The following RHBDF1 variants were observed in gnomAD, a reference collection of about 807,000 sequenced individuals.
RHBDF1 encodes inactive rhomboid protein 1.
Under a neutral mutation model 98.6 loss-of-function variants are expected in RHBDF1, and 80 were observed. The ratio of observed to expected loss-of-function variants is 0.81; its 90% CI spans 0.68 to 0.98. RHBDF1 has a LOEUF of 0.98. RHBDF1 is among the 50% of genes least tolerant of loss of function. RHBDF1 has a pLI of 0.00. For missense variants in RHBDF1, 1,116 were observed against 1,198.3 expected, an observed-to-expected ratio of 0.93 and a Z score of 1.01; for synonymous variants, 512 against 486.8, an observed-to-expected ratio of 1.05 and a Z score of -0.68.
intron 11 of RHBDF1, chr16:60,830 A>T (rs529195634): frequency 2.8e-5 from 16 of 566,488 alleles, no homozygotes; most frequent in Non-Finnish European, 3.4e-5. Context: ...GAATTTTTTT[A>T]AAAATTGCTT....
At chr16:64,070 G>T in intron 3 of RHBDF1, 1 of 642,038 alleles carries the variant, frequency 1.6e-6, no homozygotes, top group Non-Finnish European at 2.8e-6. Flanking sequence ...CTGAGGGGCA[G>T]TTGAGGGGAG....
At chr16:64,215 T>C in intron 3 of RHBDF1, 2 of 1,309,210 alleles carry the variant, frequency 1.5e-6, no homozygotes, top group East Asian at 5.0e-5. Flanking sequence ...ACAAAAACAC[T>C]GCCAGCACCT....
chr16:64,388 G>A (rs750381420), intron 3 of RHBDF1: 315 of 1,377,374 alleles, frequency 2.3e-4, no homozygotes, highest in Non-Finnish European at 2.6e-4. Flanking sequence ...CGGGCAGCCC[G>A]GGGACCCAAG....
intron 16 of RHBDF1, 53 bp downstream of exon 16, chr16:59,196 C>T (rs1458156915): frequency 3.1e-6 from 5 of 1,594,104 alleles, no homozygotes; most frequent in Non-Finnish European, 4.3e-6. Context: ...CACCCCCAGC[C>T]AGCCAATCCT....
At position 61,935 on chromosome 16, in the gene RHBDF1, C is replaced by T. The variant is rs1205079256; in HGVS notation, c.1071G>A (p.Ala357=). 1.9e-6 allele frequency: 3 copies of T among 1,599,260 alleles called. No individual in the cohort carries two copies. Among genetic ancestry groups the T allele is most frequent in the African/African-American group, 1.3e-5 (1 of 74,828 alleles). Residue 357 remains alanine, a synonymous_variant, in exon 8 of 18, where the codon GCG becomes GCA. Transcript: ENST00000262316. ...GGGCGAAGAGCTTGCGCACCGGCAC[C>T]GCGATACGCTGGCCCCGTCGCGGCC... ...TAGPRRGQRI[A]VPVRKLFARE...
chr16:69,284 A>T (rs888074051), intron 1 of RHBDF1, among the ~76,000 whole-genome samples: 5 of 152,136 alleles, frequency 3.3e-5, no homozygotes, highest in African/African-American at 4.8e-5. Context: ...CTCTGTACTC[A>T]GGCCTGCCCT....
intron 4 of RHBDF1, 85 bp downstream of exon 4, chr16:63,501 CT>C: frequency 8.3e-7 from 1 of 1,209,592 alleles, no homozygotes; most frequent in Non-Finnish European, 1.1e-6. Flanking sequence ...CAGAGAGTCC[CT>C]TCTGCTCAGG....
At chr16:60,393 G>T (rs773389682) in intron 12 of RHBDF1, 46 bp downstream of exon 12, 1 of 1,600,266 alleles carries the variant, frequency 6.2e-7, no homozygotes, top group Non-Finnish European at 8.5e-7. Flanking sequence ...AGCCCCCGGG[G>T]AAGGTGTGGA....
chr16:60,102 A>C (rs1897551324), intron 13 of RHBDF1, 114 bp downstream of exon 13: 1 of 1,567,274 alleles, frequency 6.4e-7, no homozygotes, highest in Non-Finnish European at 8.7e-7. Flanking sequence ...ACAGCCTCTG[A>C]AAACGTGAGG....
chr16:63,201 T>C lies in RHBDF1; in HGVS notation c.463-19A>G. The C allele has an allele frequency of 1.3e-6, 2 of 1,547,368 alleles. No individual in the cohort carries two copies. Among genetic ancestry groups the C allele is most frequent in the South Asian group, 2.4e-5 (2 of 84,454 alleles). ...CTATGATCTGGAGGAGGGGAGGAGA[T>C]GCTGGAGTCAGGACCATGGGGGCTC... On this transcript the variant is annotated intron_variant, in intron 4 of 17. Transcript: ENST00000262316.
chr16:61,731 C>A, intron 8 of RHBDF1, 35 bp from the exon 9 acceptor site: 1 of 1,612,242 alleles, frequency 6.2e-7, no homozygotes. Flanking sequence ...GCCTCATCCC[C>A]GACCCGGAGC....
chr16:65,959 C>T lies in RHBDF1; in HGVS notation c.-24-920G>A, dbSNP rs568805326. 7.9e-5 allele frequency among the ~76,000 whole-genome samples: 12 copies of T among 152,370 alleles called. No individual in the cohort carries two copies. In the East Asian group the frequency reaches 2.1e-3, roughly 27 times the overall value. ...TGCCAGGCACGGGGCCAGGGCCCCA[C>T]GGAAGGCCCCAGAGCAGATAGGCCA... On this transcript the variant is annotated intron_variant, in intron 1 of 17. Coordinates refer to ENST00000262316, the MANE Select transcript of RHBDF1 (RefSeq NM_022450.5).
chr16:62,382 C>T (rs1897666763), intron 7 of RHBDF1, among the ~76,000 whole-genome samples, 156 bp downstream of exon 7: 2 of 152,222 alleles, frequency 1.3e-5, no homozygotes, highest in African/African-American at 4.8e-5. Context: ...CCCAGCTCTG[C>T]GTCTCCCACC....
At position 61,413 on chromosome 16, in the gene RHBDF1, T is replaced by G. The variant is rs1270183652; in HGVS notation, c.1367A>C (p.Gln456Pro). The change falls in exon 10 of 18, where the codon CAG (glutamine) becomes CCG (proline). Residue 456 changes from glutamine (Q) to proline (P), a missense_variant. Transcript: ENST00000262316. ...GCTGGGCCCGATCCAGAAGTTCTCC[T>G]GCTGCACGTACTTGACGTTCTCGTA... The part of the protein sequence containing the change: ...GVYENVKYVQ[Q>P]ENFWIGPSSE... The G allele has an allele frequency of 1.2e-6, 2 of 1,609,018 alleles. No individual in the cohort carries two copies. The highest frequency in any genetic ancestry group is 1.7e-6 in the Non-Finnish European group (2 of 1,177,924).
chr16:60,749 T>A (rs1192152866), intron 11 of RHBDF1: 1 of 584,724 alleles, frequency 1.7e-6, no homozygotes, highest in Non-Finnish European at 3.0e-6. Context: ...AAACAACCTC[T>A]GTGTCCTAAA....
intron 1 of RHBDF1, among the ~76,000 whole-genome samples, chr16:68,554 C>A (rs1897888974): frequency 6.6e-6 from 1 of 152,226 alleles, no homozygotes; most frequent in South Asian, 2.1e-4. Context: ...GCCTCACTGC[C>A]TGGGGTCACA....
Position 59,221 on chromosome 16 carries a change from C to T in RHBDF1, c.1994+28G>A, listed in dbSNP as rs755012339. On this transcript the variant is annotated intron_variant, in intron 16 of 17. Coordinates refer to ENST00000262316, the MANE Select transcript of RHBDF1 (RefSeq NM_022450.5). ...CAGCCAATCCTGAGGGCCCTGAGACCCCCGACCCGGCCCACAGTGTCACTT... is the reference window on the plus strand; with the variant it reads ...CAGCCAATCCTGAGGGCCCTGAGACTCCCGACCCGGCCCACAGTGTCACTT... 6.3e-6 allele frequency: 10 copies of T among 1,590,862 alleles called. No homozygotes were observed. In the Admixed American group the frequency reaches 1.2e-4, roughly 19 times the overall value.
At chr16:61,008 C>T in intron 11 of RHBDF1, 112 bp downstream of exon 11, 4 of 1,227,236 alleles carry the variant, frequency 3.3e-6, no homozygotes, top group Non-Finnish European at 4.5e-6. Flanking sequence ...CGCGTAAGGA[C>T]GGCGGGATGT....
chr16:59,394 A>G (rs1036214142), intron 15 of RHBDF1, 25 bp downstream of exon 15: 11 of 1,612,636 alleles, frequency 6.8e-6, no homozygotes, highest in Non-Finnish European at 9.3e-6. Flanking sequence ...GGGGGAGGGG[A>G]ACGACGGACA....
Sources: gnomAD v4.1 joint callset for allele counts (sites outside exome capture counted in the v4.1 genomes callset) on GRCh38, gnomAD v4.1.1 for gene constraint, MANE v1.5 for transcripts, NCBI Gene and HGNC (gene_info 2026-07-23, HGNC 2026-07-21) for gene names.